Variants in PDZD2 observed in about 807,000 individuals in gnomAD.
PDZD2 encodes PDZ domain-containing protein 2.
PDZD2 carries 90 observed loss-of-function variants against 220.7 expected under a neutral mutation model. The observed-to-expected ratio is 0.41, with a 90% confidence interval of 0.34 to 0.49. The LOEUF (loss-of-function observed/expected upper bound fraction) is 0.49, where lower values mean the gene tolerates loss of function less well. Among genes scored for constraint, PDZD2 ranks in the 20% least tolerant of loss-of-function variants. PDZD2 has a pLI of 0.28. For missense variants in PDZD2, 3,174 were observed against 3,608.5 expected, an observed-to-expected ratio of 0.88 and a Z score of 3.08; for synonymous variants, 1,375 against 1,450.5, an observed-to-expected ratio of 0.95 and a Z score of 1.18.
At chr5:31,728,042 C>T (rs1273815724) in intron 1 of PDZD2, among the ~76,000 whole-genome samples, 1 of 151,398 alleles carries the variant, frequency 6.6e-6, no homozygotes, top group Non-Finnish European at 1.5e-5. Flanking sequence ...AAGACCGTCG[C>T]TGACCACCTA....
intron 19 of PDZD2, among the ~76,000 whole-genome samples, chr5:32,086,425 G>A (rs553224942): frequency 6.6e-6 from 1 of 152,270 alleles, no homozygotes; most frequent in South Asian, 2.1e-4. Context: ...TTAAATCAGG[G>A]TAATCAGCAT....
rs1221136345 is a variant in PDZD2 at position 32,073,822 on chromosome 5, C to T, written c.2726-10C>T. On this transcript the variant is annotated splice_polypyrimidine_tract_variant and intron_variant, in intron 17 of 24. Coordinates refer to ENST00000438447, the MANE Select transcript of PDZD2 (RefSeq NM_178140.4). The stretch of plus-strand genomic sequence containing the variant: ...ATTTCACTTGACTTTTCTGTCCCCA[C>T]CTCCACCAGCTCACAAGGAGCCTGG... The T allele has an allele frequency of 6.3e-7, 1 of 1,590,264 alleles. No individual in the cohort carries two copies. The highest frequency in any genetic ancestry group is 1.1e-5 in the South Asian group (1 of 87,514).
intron 2 of PDZD2, among the ~76,000 whole-genome samples, chr5:31,870,888 C>CAAAA (rs71614289): frequency 3.1e-5 from 2 of 64,488 alleles, no homozygotes; most frequent in African/African-American, 1.0e-4. Context: ...GACTCTGTCT[C>CAAAA]AAAAAAAAAA....
intron 2 of PDZD2, among the ~76,000 whole-genome samples, chr5:31,827,806 A>G (rs545387553): frequency 6.6e-6 from 1 of 152,296 alleles, no homozygotes; most frequent in South Asian, 2.1e-4. Context: ...TTATAGATTC[A>G]CAGCATTGAA....
intron 5 of PDZD2, among the ~76,000 whole-genome samples, chr5:32,003,157 AAC>A (rs1394839483): frequency 4.4e-5 from 1 of 22,590 alleles, no homozygotes; most frequent in African/African-American, 8.5e-5. Flanking sequence ...ACACACCACC[AAC>A]ACACACACCA....
chr5:31,900,349 A>G (rs190950870), intron 2 of PDZD2, among the ~76,000 whole-genome samples: 2 of 152,344 alleles, frequency 1.3e-5, no homozygotes, highest in East Asian at 3.9e-4. Context: ...TCCTTACTAT[A>G]TAGAAAGCTA....
intron 2 of PDZD2, among the ~76,000 whole-genome samples, chr5:31,883,056 G>A (rs1426290212): frequency 7.0e-6 from 1 of 143,424 alleles, no homozygotes; most frequent in Admixed American, 7.0e-5. Context: ...AAAGGCCCAG[G>A]GGGCATAAGA....
chr5:31,791,940 C>T (rs116153330), intron 1 of PDZD2, among the ~76,000 whole-genome samples: 2,891 of 152,202 alleles, frequency 0.019, 77 homozygotes, highest in African/African-American at 0.066. Context: ...CACATAACAG[C>T]GACTTAACGA....
At chr5:32,096,827 T>C (rs958236381) in intron 21 of PDZD2, among the ~76,000 whole-genome samples, 2 of 123,438 alleles carry the variant, frequency 1.6e-5, no homozygotes, top group East Asian at 2.1e-4. Flanking sequence ...TTATGTACTA[T>C]GATTTTTTTT....
intron 2 of PDZD2, among the ~76,000 whole-genome samples, chr5:31,804,321 T>TA (rs1754586606): frequency 6.6e-6 from 1 of 152,192 alleles, no homozygotes; most frequent in Admixed American, 6.5e-5. Flanking sequence ...TTGAATCAAG[T>TA]AATGAGGCAA....
intron 6 of PDZD2, among the ~76,000 whole-genome samples, chr5:32,022,280 C>G (rs1754277638): frequency 6.7e-6 from 1 of 150,330 alleles, no homozygotes; most frequent in Admixed American, 6.6e-5. Context: ...TCAGTGCAAC[C>G]TCTACCTCCC....
At chr5:31,651,202 G>C (rs1745336573) in intron 1 of PDZD2, among the ~76,000 whole-genome samples, 1 of 130,466 alleles carries the variant, frequency 7.7e-6, no homozygotes, top group Non-Finnish European at 1.6e-5. Flanking sequence ...GTAACTGTAG[G>C]TTGGGCTTTT....
At chr5:31,746,098 T>C (rs1361232787) in intron 1 of PDZD2, among the ~76,000 whole-genome samples, 1 of 152,140 alleles carries the variant, frequency 6.6e-6, no homozygotes, top group African/African-American at 2.4e-5. Context: ...AGTCAGAGAC[T>C]GTTGGTTGGA....
chr5:31,894,130 C>T (rs1190849185), intron 2 of PDZD2, among the ~76,000 whole-genome samples: 5 of 127,282 alleles, frequency 3.9e-5, no homozygotes, highest in African/African-American at 1.2e-4. Context: ...CTAGGCTGGT[C>T]TTGAACTCCT....
chr5:32,013,713 A>G (rs1219794403), intron 6 of PDZD2, among the ~76,000 whole-genome samples: 2 of 152,138 alleles, frequency 1.3e-5, no homozygotes. Flanking sequence ...TCTTCGGTGG[A>G]GAAACCAGCA....
chr5:31,786,667 TG>T (rs1034397455), intron 1 of PDZD2, among the ~76,000 whole-genome samples: 5 of 151,260 alleles, frequency 3.3e-5, no homozygotes, highest in Non-Finnish European at 7.4e-5. Flanking sequence ...CTCCAAGATT[TG>T]GGGGGGTGTA....
At chr5:31,678,357 G>A (rs1746524947) in intron 1 of PDZD2, among the ~76,000 whole-genome samples, 1 of 152,196 alleles carries the variant, frequency 6.6e-6, no homozygotes, top group Non-Finnish European at 1.5e-5. Context: ...ATGTCCCTAC[G>A]TTGGAAGCAG....
intron 2 of PDZD2, among the ~76,000 whole-genome samples, chr5:31,849,878 A>C (rs1757818579): frequency 2.2e-5 from 1 of 44,700 alleles, no homozygotes; most frequent in Non-Finnish European, 3.5e-5. Context: ...ATACATATAT[A>C]TATATATATA....
chr5:31,796,342 C>T (rs1303596649), intron 1 of PDZD2, among the ~76,000 whole-genome samples: 2 of 152,136 alleles, frequency 1.3e-5, no homozygotes, highest in Non-Finnish European at 2.9e-5. Context: ...AAAGTGAGGA[C>T]GGGAAAGCTG....
Sources: allele counts gnomAD v4.1 joint callset (sites outside exome capture counted in the v4.1 genomes callset), GRCh38; gene constraint gnomAD v4.1.1; transcripts MANE v1.5; gene names NCBI Gene and HGNC (gene_info 2026-07-23, HGNC 2026-07-21).